MYT1L: variants seen among roughly 807,000 people sequenced by gnomAD.
MYT1L encodes the protein myelin transcription factor 1 like.
Under a neutral mutation model 126.7 loss-of-function variants are expected in MYT1L, and 12 were observed. That is an observed-to-expected ratio of 0.09 (90% CI 0.06 to 0.15). The LOEUF (loss-of-function observed/expected upper bound fraction) is 0.15, where lower values mean the gene tolerates loss of function less well. MYT1L is among the 10% of genes least tolerant of loss of function. The pLI is 1.00. For synonymous variants in MYT1L, 541 were observed against 604.2 expected, an observed-to-expected ratio of 0.90 and a Z score of 1.53; for missense variants, 979 against 1,585.2, an observed-to-expected ratio of 0.62 and a Z score of 6.49.
intron 17 of MYT1L, 84 bp from the exon 18 acceptor site, chr2:1,886,691 AAG>A (rs1476363327): frequency 5.3e-6 from 5 of 950,210 alleles, no homozygotes; most frequent in Non-Finnish European, 7.4e-6. Context: ...ACCGAAATTA[AAG>A]AGTTTAATGC....
intron 10 of MYT1L, among the ~76,000 whole-genome samples, chr2:1,921,780 A>G (rs1186788620): frequency 1.3e-5 from 2 of 152,140 alleles, no homozygotes; most frequent in Non-Finnish European, 2.9e-5. Flanking sequence ...TTACTGTTCA[A>G]TTTCTATCAG....
In MYT1L at chr2:1,979,088, C is replaced by G; in HGVS notation, c.152+77G>C. The stretch of plus-strand genomic sequence containing the variant: ...TGCTTTCCAAGAACACCTGCTCACA[C>G]AGTTCATCATCAGGACTGGGTCCCC... On this transcript the variant is annotated intron_variant, in intron 8 of 24. Coordinates refer to ENST00000647738, the MANE Select transcript of MYT1L (RefSeq NM_001303052.2). This position sits in a 1 kb window ranked among gnomAD's most constrained non-coding sequence, Gnocchi z 4.0. 1 of 1,166,200 alleles carries G rather than the reference C, an allele frequency of 8.6e-7. No homozygotes were observed. The highest frequency in any genetic ancestry group is 1.3e-6 in the Non-Finnish European group (1 of 793,722). The allele number at this position is 1,166,200 out of a possible 1,614,324, so 72.2% of individuals were successfully genotyped here.
intron 1 of MYT1L, among the ~76,000 whole-genome samples, chr2:2,286,721 A>C (rs1054574329): frequency 6.6e-6 from 1 of 152,174 alleles, no homozygotes; most frequent in African/African-American, 2.4e-5. Flanking sequence ...ATCTGTGGTC[A>C]AGGGTGCCAG....
At chr2:1,820,431 A>T (rs2038364686) in intron 21 of MYT1L, among the ~76,000 whole-genome samples, 1 of 152,134 alleles carries the variant, frequency 6.6e-6, no homozygotes, top group Non-Finnish European at 1.5e-5. Context: ...TGACAGTTTT[A>T]TATGTCAACA....
At chr2:2,133,802 G>A (rs1032123913) in intron 3 of MYT1L, among the ~76,000 whole-genome samples, 1 of 152,014 alleles carries the variant, frequency 6.6e-6, no homozygotes, top group Non-Finnish European at 1.5e-5. Context: ...CCTTCCCCAG[G>A]CTACTTTTCC....
At chr2:2,208,012 G>A (rs2093377727) in intron 2 of MYT1L, among the ~76,000 whole-genome samples, 1 of 152,126 alleles carries the variant, frequency 6.6e-6, no homozygotes, top group Admixed American at 6.5e-5. Context: ...GCCCCACTCA[G>A]TGGCAAACCC....
intron 8 of MYT1L, among the ~76,000 whole-genome samples, chr2:1,966,897 C>T (rs1441594311): frequency 1.3e-5 from 2 of 152,044 alleles, no homozygotes; most frequent in Non-Finnish European, 2.9e-5. Flanking sequence ...TTACCAATGC[C>T]CTGGACGAAT....
At chr2:2,322,936 A>AT (rs1006833037) in intron 1 of MYT1L, among the ~76,000 whole-genome samples, 3 of 152,156 alleles carry the variant, frequency 2.0e-5, no homozygotes, top group African/African-American at 4.8e-5. Flanking sequence ...TAAAAACTCA[A>AT]TTTTTTTCTT....
chr2:2,271,623 AG>A (rs924236126), intron 2 of MYT1L, among the ~76,000 whole-genome samples: 2 of 152,212 alleles, frequency 1.3e-5, no homozygotes, highest in Non-Finnish European at 2.9e-5. Flanking sequence ...TTTAAACAAC[AG>A]AAATCATTTC....
chr2:1,990,856 C>T (rs143743175), intron 5 of MYT1L, among the ~76,000 whole-genome samples: 1 of 152,216 alleles, frequency 6.6e-6, no homozygotes. Context: ...AGAAGCAAGG[C>T]TGGCGCATGC....
chr2:2,059,811 G>A lies in MYT1L; in HGVS notation c.-303-5688C>T, dbSNP rs1439932776. 6.6e-6 allele frequency among the ~76,000 whole-genome samples: 1 copy of A among 152,084 alleles called. No homozygotes were observed. Among genetic ancestry groups the A allele is most frequent in the African/African-American group, 2.4e-5 (1 of 41,396 alleles). Reference sequence around the variant, plus strand: ...GGATGACTGTCACTGAAAATGTGGTGGGTTTCCTAGAAAGAGTTTTGTAGG... The same window carrying A: ...GGATGACTGTCACTGAAAATGTGGTAGGTTTCCTAGAAAGAGTTTTGTAGG... On this transcript the variant is annotated intron_variant, in intron 3 of 24. Transcript: ENST00000647738. The surrounding 1 kb of genome is among the most constrained non-coding windows in gnomAD (Gnocchi z 4.7).
intron 21 of MYT1L, among the ~76,000 whole-genome samples, chr2:1,835,755 G>A (rs543749517): frequency 1.3e-5 from 2 of 152,236 alleles, no homozygotes; most frequent in South Asian, 2.1e-4. Flanking sequence ...CTTGGAGGTC[G>A]CCGAAGCCAG....
chr2:1,928,324 G>C (rs2054499306), intron 9 of MYT1L, among the ~76,000 whole-genome samples: 1 of 152,170 alleles, frequency 6.6e-6, no homozygotes. Context: ...CCTGAGTCTG[G>C]TCCCCTGATG....
chr2:2,239,275 G>C (rs2094391063), intron 2 of MYT1L, among the ~76,000 whole-genome samples: 1 of 152,184 alleles, frequency 6.6e-6, no homozygotes. Flanking sequence ...AGACAGACGG[G>C]GGCAAAGGAA....
At chr2:2,171,426 A>G (rs906024532) in intron 3 of MYT1L, among the ~76,000 whole-genome samples, 10 of 152,222 alleles carry the variant, frequency 6.6e-5, no homozygotes, top group African/African-American at 2.2e-4. Context: ...CAACAAAGCC[A>G]CATGTAAACA....
chr2:2,162,728 G>C (rs1415886423), intron 3 of MYT1L, among the ~76,000 whole-genome samples: 1 of 152,226 alleles, frequency 6.6e-6, no homozygotes, highest in African/African-American at 2.4e-5. Flanking sequence ...CATGAGCAAG[G>C]AATAAACTTT....
chr2:2,192,178 A>G (rs1305307608), intron 2 of MYT1L, among the ~76,000 whole-genome samples: 1 of 152,210 alleles, frequency 6.6e-6, no homozygotes, highest in Non-Finnish European at 1.5e-5. Flanking sequence ...TAGAAGGCTG[A>G]CCTGAATCAT....
chr2:1,985,098 C>G (rs949193277), intron 5 of MYT1L, among the ~76,000 whole-genome samples: 2 of 152,200 alleles, frequency 1.3e-5, no homozygotes, highest in African/African-American at 4.8e-5. Flanking sequence ...GACACCAGAA[C>G]CTGAGCTCCA....
At chr2:2,327,161 A>G (rs1171718984) in intron 1 of MYT1L, 2 of 152,194 alleles carry the variant, frequency 1.3e-5, no homozygotes, top group African/African-American at 4.8e-5. Flanking sequence ...CAATATTTTA[A>G]ATATTGGGGT....
Sources: gnomAD v4.1 joint callset for allele counts (sites outside exome capture counted in the v4.1 genomes callset) on GRCh38, gnomAD v4.1.1 for gene constraint, Gnocchi (gnomAD v3.1) non-coding constraint, MANE v1.5 for transcripts, NCBI Gene and HGNC (gene_info 2026-07-23, HGNC 2026-07-21) for gene names.